KIF11: variants seen among roughly 807,000 people sequenced by gnomAD.
The protein encoded by KIF11 is kinesin family member 11, also known as kinesin-like protein KIF11.
Under a neutral mutation model 121.0 loss-of-function variants are expected in KIF11, and 9 were observed. That is an observed-to-expected ratio of 0.07 (90% CI 0.04 to 0.13). The LOEUF is 0.13. Ranked by LOEUF, KIF11 falls within the 10% of genes least tolerant of loss-of-function variation. The pLI is 1.00. For synonymous variants in KIF11, 408 were observed against 421.0 expected, an observed-to-expected ratio of 0.97 and a Z score of 0.38; for missense variants, 846 against 1,217.5, an observed-to-expected ratio of 0.69 and a Z score of 4.54.
chr10:92,652,226 CG>C (rs893853564), intron 21 of KIF11, among the ~76,000 whole-genome samples: 5 of 151,918 alleles, frequency 3.3e-5, no homozygotes, highest in African/African-American at 1.2e-4. Flanking sequence ...CCACAATCTC[CG>C]CCTCCCGGGT....
chr10:92,608,870 C>G (rs1844460506), intron 4 of KIF11, 150 bp from the exon 5 acceptor site: 1 of 506,046 alleles, frequency 2.0e-6, no homozygotes. Flanking sequence ...AATGACTTCT[C>G]TAACATTAGG....
chr10:92,630,384 T>C lies in KIF11; in HGVS notation c.1494+20T>C. The stretch of plus-strand genomic sequence containing the variant: ...AGCAAGGTTTGTCCCTTGTGTTGAT[T>C]TGTACTCATATTAAGTAGAGAATGG... On this transcript the variant is annotated intron_variant, in intron 12 of 21. Transcript: ENST00000260731. 1 of 1,492,208 alleles carries C rather than the reference T, an allele frequency of 6.7e-7. No individual in the cohort carries two copies. Among genetic ancestry groups the C allele is most frequent in the Non-Finnish European group, 8.9e-7 (1 of 1,122,164 alleles). The allele number at this position is 1,492,208 out of a possible 1,614,324, so 92.4% of individuals were successfully genotyped here.
intron 18 of KIF11, among the ~76,000 whole-genome samples, chr10:92,647,235 A>G (rs1360856249): frequency 6.6e-6 from 1 of 152,212 alleles, no homozygotes; most frequent in Non-Finnish European, 1.5e-5. Flanking sequence ...TCAATGGGGT[A>G]AAGACCTCAT....
intron 10 of KIF11, among the ~76,000 whole-genome samples, chr10:92,622,945 G>A (rs1326137239): frequency 6.6e-6 from 1 of 152,158 alleles, no homozygotes; most frequent in Non-Finnish European, 1.5e-5. Flanking sequence ...ACCAGATCTT[G>A]TGAGAACTCA....
Position 92,648,225 on chromosome 10 carries a change from G to T in KIF11, c.2561G>T (p.Cys854Phe), listed in dbSNP as rs530719738. The change falls in exon 19 of 22, where the codon TGT becomes TTT. Residue 854 changes from cysteine (C) to phenylalanine (F), a missense_variant. By Grantham distance (205) the Cys-to-Phe change is radical. Around this residue, in one of 5 missense-constraint regions of KIF11, gnomAD observed 492 missense variants for 603.4 expected, o/e 0.82. Transcript: ENST00000260731. The stretch of plus-strand genomic sequence containing the variant: ...CATCATTTACAGGTTGTAAGCCAAT[G>T]TTGTGAGGCTTCAAGTTCAGACATC... The part of the protein sequence containing the change: ...LHNLLEVVSQ[C>F]CEASSSDITE... 1.2e-6 allele frequency: 2 copies of T among 1,606,468 alleles called. No homozygotes were observed. The highest frequency in any genetic ancestry group is 1.7e-6 in the Non-Finnish European group (2 of 1,175,904).
intron 4 of KIF11, among the ~76,000 whole-genome samples, chr10:92,608,253 A>C (rs1356441425): frequency 1.3e-5 from 2 of 151,330 alleles, no homozygotes; most frequent in African/African-American, 2.4e-5. Context: ...CTGGGATTAG[A>C]GGCACATACT....
intron 10 of KIF11, among the ~76,000 whole-genome samples, chr10:92,627,793 T>A (rs1844696130): frequency 6.6e-6 from 1 of 152,094 alleles, no homozygotes; most frequent in Non-Finnish European, 1.5e-5. Flanking sequence ...CTTTGTTGGA[T>A]TTTTTTTCTT....
chr10:92,653,553 C>T, intron 21 of KIF11, 112 bp from the exon 22 acceptor site: 1 of 1,034,102 alleles, frequency 9.7e-7, no homozygotes, highest in Non-Finnish European at 1.4e-6. Context: ...TTTTGGTTTT[C>T]TACACTTAAG....
At chr10:92,598,615 A>G (rs1844329253) in intron 1 of KIF11, among the ~76,000 whole-genome samples, 1 of 152,162 alleles carries the variant, frequency 6.6e-6, no homozygotes, top group African/African-American at 2.4e-5. Context: ...GAATTTTTCT[A>G]TTTTTGTAAA....
At chr10:92,639,591 T>G (rs1316998806) in intron 16 of KIF11, among the ~76,000 whole-genome samples, 1 of 151,668 alleles carries the variant, frequency 6.6e-6, no homozygotes, top group Non-Finnish European at 1.5e-5. Context: ...AGACCCTGTC[T>G]CTAAAAAAAA....
At position 92,628,973 on chromosome 10, in the gene KIF11, T is replaced by C. The variant is rs146686996; in HGVS notation, c.1305+78T>C. The C allele has an allele frequency of 4.8e-4, 391 of 811,126 alleles. 3 individuals carry two copies. The East Asian group carries it at 8.9e-3, about 18-fold the overall frequency. The allele number at this position is 811,126 out of a possible 1,614,324, so 50.2% of individuals were successfully genotyped here. A position where few individuals can be genotyped will look rare whatever the true frequency, so the allele number is the denominator to read the frequency against. On this transcript the variant is annotated intron_variant, in intron 11 of 21. Transcript: ENST00000260731. The stretch of plus-strand genomic sequence containing the variant: ...AAATTTTAGAATGAAAGATCTAATA[T>C]TTTTTCCTTCAAGATTTTTTTTTTT...
In KIF11 at chr10:92,613,175, A is replaced by C; in HGVS notation, c.789+45A>C. Reference sequence around the variant, plus strand: ...CTACTGTTTCACTCTTAAACACCTTATAGAGCAGCTTGAAATTTTGTCCTT... The same window carrying C: ...CTACTGTTTCACTCTTAAACACCTTCTAGAGCAGCTTGAAATTTTGTCCTT... On this transcript the variant is annotated intron_variant, in intron 7 of 21. Transcript: ENST00000260731. This position sits in a 1 kb window ranked among gnomAD's most constrained non-coding sequence, Gnocchi z 4.2. 7.0e-7 allele frequency: 1 copy of C among 1,421,584 alleles called. No individual in the cohort carries two copies. The highest frequency in any genetic ancestry group is 9.8e-7 in the Non-Finnish European group (1 of 1,024,352). The allele number at this position is 1,421,584 out of a possible 1,614,324, so 88.1% of individuals were successfully genotyped here. A position where few individuals can be genotyped will look rare whatever the true frequency, so the allele number is the denominator to read the frequency against.
chr10:92,597,621 C>G (rs1462379546), intron 1 of KIF11, among the ~76,000 whole-genome samples: 1 of 149,190 alleles, frequency 6.7e-6, no homozygotes, highest in Non-Finnish European at 1.5e-5. Flanking sequence ...AAGATAAAGT[C>G]TTTTTTTTTC....
intron 10 of KIF11, 138 bp downstream of exon 10, chr10:92,621,611 T>TGTGTGTGTGTGTG: frequency 6.9e-6 from 4 of 578,736 alleles, no homozygotes; most frequent in South Asian, 2.0e-5. Flanking sequence ...TGTGTGTGTG[T>TGTGTGTGTGTGTG]TTTCTTTTGA....
intron 16 of KIF11, 22 bp downstream of exon 16, chr10:92,637,567 G>A (rs767160778): frequency 6.3e-7 from 1 of 1,588,930 alleles, no homozygotes; most frequent in African/African-American, 1.4e-5. Context: ...AGCGGACTTG[G>A]GGAGTACAGA....
intron 6 of KIF11, among the ~76,000 whole-genome samples, chr10:92,610,136 G>T (rs772307372): frequency 6.6e-6 from 1 of 152,170 alleles, no homozygotes; most frequent in Non-Finnish European, 1.5e-5. Flanking sequence ...GGAATGGGAC[G>T]CTCTGAGGCT....
intron 21 of KIF11, among the ~76,000 whole-genome samples, chr10:92,652,616 G>C (rs1450247569): frequency 6.6e-6 from 1 of 152,032 alleles, no homozygotes; most frequent in African/African-American, 2.4e-5. Context: ...CTTACTATTA[G>C]AGAACTATAA....
chr10:92,633,614 T>A lies in KIF11; in HGVS notation c.1703-9T>A, dbSNP rs1564713444. ...AAAGTTTACATCTTTCTGTTTTTGTTTGTTATAGGTAATCTGCTGTCTTCC... is the reference window on the plus strand; with the variant it reads ...AAAGTTTACATCTTTCTGTTTTTGTATGTTATAGGTAATCTGCTGTCTTCC... On this transcript the variant is annotated splice_polypyrimidine_tract_variant and intron_variant, in intron 13 of 21. Transcript: ENST00000260731. 6.3e-7 allele frequency: 1 copy of A among 1,580,790 alleles called. No individual in the cohort carries two copies. The highest frequency in any genetic ancestry group is 8.6e-7 in the Non-Finnish European group (1 of 1,160,172).
At chr10:92,595,861 A>G (rs902203261) in intron 1 of KIF11, among the ~76,000 whole-genome samples, 1 of 152,192 alleles carries the variant, frequency 6.6e-6, no homozygotes, top group Non-Finnish European at 1.5e-5. Context: ...CCACTTAGGC[A>G]TAATGTCCTC....
Sources: allele counts gnomAD v4.1 joint callset (sites outside exome capture counted in the v4.1 genomes callset), GRCh38; gene constraint gnomAD v4.1.1; regional missense constraint gnomAD v4.1.1; non-coding constraint Gnocchi (gnomAD v3.1); transcripts MANE v1.5; gene names NCBI Gene and HGNC (gene_info 2026-07-23, HGNC 2026-07-21).